Variants in UNC13C observed in about 807,000 individuals in gnomAD.
UNC13C encodes the protein protein unc-13 homolog C.
A neutral mutation model predicts 245.4 loss-of-function variants in UNC13C; 174 were observed. The ratio of observed to expected loss-of-function variants is 0.71; its 90% CI spans 0.63 to 0.80. The LOEUF is 0.80. Ranked by LOEUF, UNC13C falls within the 30% of genes least tolerant of loss-of-function variation. The probability of loss-of-function intolerance (pLI) is 0.00; values close to 1 mark genes in which losing one functional copy is unlikely to be tolerated. For missense variants in UNC13C, 2,829 were observed against 2,602.9 expected (o/e 1.09, Z -1.89); for synonymous variants, 992 against 895.1 (o/e 1.11, Z -1.93).
intron 2 of UNC13C, among the ~76,000 whole-genome samples, chr15:54,129,275 T>C (rs768300091): frequency 7.2e-5 from 11 of 152,212 alleles, no homozygotes; most frequent in Non-Finnish European, 1.3e-4. Context: ...ACATCCACAC[T>C]GCTAGATTAA....
chr15:54,542,898 A>G (rs543977150), intron 26 of UNC13C, among the ~76,000 whole-genome samples: 4 of 152,222 alleles, frequency 2.6e-5, no homozygotes, highest in Admixed American at 6.6e-5. Flanking sequence ...GTGTCTTAGC[A>G]CATGAGATGG....
chr15:54,209,958 A>T (rs2034828610), intron 4 of UNC13C, among the ~76,000 whole-genome samples: 1 of 152,000 alleles, frequency 6.6e-6, no homozygotes, highest in Non-Finnish European at 1.5e-5. Context: ...TGTGTAAGAC[A>T]CTGTTTCATA....
chr15:54,303,308 T>A (rs915034721), intron 13 of UNC13C, among the ~76,000 whole-genome samples: 1 of 152,160 alleles, frequency 6.6e-6, no homozygotes, highest in African/African-American at 2.4e-5. Flanking sequence ...GCAAGTATGA[T>A]GAACAGTCTA....
At chr15:54,103,562 A>G (rs1019643727) in intron 2 of UNC13C, among the ~76,000 whole-genome samples, 16 of 152,176 alleles carry the variant, frequency 1.1e-4, no homozygotes, top group African/African-American at 3.1e-4. Context: ...ACCCAACACA[A>G]TCCTTCTACT....
chr15:53,924,175 C>A, the UNC13C span, among the ~76,000 whole-genome samples: 9 of 152,102 alleles, frequency 5.9e-5, no homozygotes, highest in Admixed American at 5.2e-4. Context: ...CCATTGCACT[C>A]CAACCTGGGC....
At chr15:54,083,105 C>A (rs1056183171) in intron 2 of UNC13C, among the ~76,000 whole-genome samples, 1 of 152,146 alleles carries the variant, frequency 6.6e-6, no homozygotes, top group African/African-American at 2.4e-5. Context: ...GAAGTGCCCA[C>A]CCTGATGGGG....
chr15:53,862,828 A>C, the UNC13C span, among the ~76,000 whole-genome samples: 8 of 152,118 alleles, frequency 5.3e-5, no homozygotes, highest in Non-Finnish European at 1.0e-4. Context: ...TTTTTAGGTT[A>C]GGGCTCCAGC....
At chr15:54,219,065 C>T (rs1473435867) in intron 4 of UNC13C, among the ~76,000 whole-genome samples, 1 of 151,908 alleles carries the variant, frequency 6.6e-6, no homozygotes, top group Non-Finnish European at 1.5e-5. Context: ...ATCAAGCTAC[C>T]AATGACTTTC....
chr15:54,510,251 G>A (rs1596493506), intron 23 of UNC13C, among the ~76,000 whole-genome samples: 1 of 152,060 alleles, frequency 6.6e-6, no homozygotes, highest in Non-Finnish European at 1.5e-5. Context: ...TTTCTCCCTG[G>A]TAGGATTGCC....
chr15:54,611,143 G>A (rs1009763846), intron 30 of UNC13C, among the ~76,000 whole-genome samples: 1 of 152,156 alleles, frequency 6.6e-6, no homozygotes, highest in Non-Finnish European at 1.5e-5. Flanking sequence ...GATTGGGGAA[G>A]CTATGTGGAG....
At chr15:53,897,790 C>A in the UNC13C span, among the ~76,000 whole-genome samples, 8 of 152,284 alleles carry the variant, frequency 5.3e-5, no homozygotes, top group South Asian at 1.7e-3. Flanking sequence ...ATTAAAAGTT[C>A]TTCTATGTGC....
chr15:54,552,715 T>C (rs1896862255), intron 28 of UNC13C, among the ~76,000 whole-genome samples: 1 of 78,880 alleles, frequency 1.3e-5, no homozygotes, highest in African/African-American at 5.2e-5. Flanking sequence ...AATTATATTA[T>C]ATTGTACAAT....
intron 19 of UNC13C, among the ~76,000 whole-genome samples, chr15:54,439,955 C>G (rs1890427859): frequency 6.6e-6 from 1 of 152,006 alleles, no homozygotes; most frequent in Non-Finnish European, 1.5e-5. Flanking sequence ...CCCATACACT[C>G]TTCTCAGTTT....
intron 30 of UNC13C, among the ~76,000 whole-genome samples, chr15:54,601,233 A>T (rs561815931): frequency 6.6e-5 from 10 of 152,314 alleles, no homozygotes; most frequent in South Asian, 4.1e-4. Flanking sequence ...TGTTTTGGTG[A>T]CCTATATACC....
At chr15:54,607,522 A>G (rs1158158993) in intron 30 of UNC13C, among the ~76,000 whole-genome samples, 1 of 152,094 alleles carries the variant, frequency 6.6e-6, no homozygotes, top group Non-Finnish European at 1.5e-5. Flanking sequence ...ATTGAGATCT[A>G]TTTTTTATTT....
At chr15:54,129,917 GT>G (rs36082814) in intron 2 of UNC13C, among the ~76,000 whole-genome samples, 115 of 121,236 alleles carry the variant, frequency 9.5e-4, no homozygotes, top group African/African-American at 3.9e-3. Flanking sequence ...TTTATAATGT[GT>G]TTTTTTTTTA....
At chr15:54,287,902 C>T (rs1402261833) in intron 10 of UNC13C, among the ~76,000 whole-genome samples, 1 of 152,054 alleles carries the variant, frequency 6.6e-6, no homozygotes, top group Non-Finnish European at 1.5e-5. Flanking sequence ...CATTCTCTTC[C>T]TTTCAATGTA....
intron 22 of UNC13C, 95 bp from the exon 23 acceptor site, chr15:54,507,022 A>G: frequency 1.3e-6 from 1 of 746,510 alleles, no homozygotes; most frequent in Admixed American, 3.0e-5. Context: ...CTAAGATGAA[A>G]AAGACAGCAA....
chr15:53,917,805 T>A, the UNC13C span, among the ~76,000 whole-genome samples: 2 of 152,308 alleles, frequency 1.3e-5, no homozygotes, highest in African/African-American at 4.8e-5. Flanking sequence ...TATGTAAAAT[T>A]CTTTGTCACT....
Sources: allele counts gnomAD v4.1 joint callset (sites outside exome capture counted in the v4.1 genomes callset), GRCh38; gene constraint gnomAD v4.1.1; transcripts MANE v1.5; gene names NCBI Gene and HGNC (gene_info 2026-07-23, HGNC 2026-07-21).